PCDH15: variants seen among roughly 807,000 people sequenced by gnomAD.
The protein encoded by PCDH15 is protocadherin-15.
A neutral mutation model predicts 178.5 loss-of-function variants in PCDH15; 129 were observed. That is an observed-to-expected ratio of 0.72 (90% CI 0.63 to 0.84). The LOEUF (loss-of-function observed/expected upper bound fraction) is 0.84. Among genes scored for constraint, PCDH15 ranks in the 40% least tolerant of loss-of-function variants. PCDH15 has a pLI of 0.00. For synonymous variants in PCDH15, 800 were observed against 732.0 expected, an observed-to-expected ratio of 1.09 and a Z score of -1.50; for missense variants, 2,230 against 2,099.9, an observed-to-expected ratio of 1.06 and a Z score of -1.21.
intron 2 of PCDH15, among the ~76,000 whole-genome samples, chr10:54,897,740 T>C (rs967485741): frequency 1.3e-5 from 2 of 152,194 alleles, no homozygotes; most frequent in African/African-American, 2.4e-5. Flanking sequence ...CAAAATGTTT[T>C]ATCTTTAAGT....
At chr10:55,461,237 A>C (rs4586055) in intron 2 of PCDH15, among the ~76,000 whole-genome samples, 116,405 of 152,066 alleles carry the variant, frequency 0.77, 45,916 homozygotes, top group East Asian at 0.99. Context: ...TCTCTTCAGG[A>C]CGTCAATTCA....
intron 2 of PCDH15, among the ~76,000 whole-genome samples, chr10:54,937,740 AT>A: frequency 6.6e-6 from 1 of 152,154 alleles, no homozygotes; most frequent in Non-Finnish European, 1.5e-5. Flanking sequence ...ACAGAAAATA[AT>A]TTAATTAGGA....
chr10:55,101,159 A>G (rs1842566360), intron 2 of PCDH15, among the ~76,000 whole-genome samples: 1 of 152,014 alleles, frequency 6.6e-6, no homozygotes, highest in Admixed American at 6.6e-5. Context: ...CGAGCGGATC[A>G]CCTGAGGTCA....
intron 2 of PCDH15, among the ~76,000 whole-genome samples, chr10:55,341,805 ATTTTTTTTTTTTTTTTTT>A (rs869187882): frequency 1.8e-4 from 3 of 16,332 alleles, no homozygotes; most frequent in African/African-American, 6.5e-4. Context: ...ATATATATAT[ATTTTTTTTTTTTTTTTTT>A]TTTTTTTTAG....
intron 6 of PCDH15, among the ~76,000 whole-genome samples, chr10:54,335,849 G>T (rs535720256): frequency 3.3e-5 from 5 of 152,178 alleles, no homozygotes; most frequent in Non-Finnish European, 7.3e-5. Flanking sequence ...GAACTGGGTG[G>T]CAGGCAGAGG....
chr10:55,082,142 A>C (rs1842054847), intron 2 of PCDH15, among the ~76,000 whole-genome samples: 1 of 152,210 alleles, frequency 6.6e-6, no homozygotes, highest in South Asian at 2.1e-4. Context: ...TCCTTAGCAA[A>C]TGGATCATCC....
intron 2 of PCDH15, among the ~76,000 whole-genome samples, chr10:55,070,465 A>G (rs991421676): frequency 5.3e-5 from 8 of 152,148 alleles, no homozygotes; most frequent in Non-Finnish European, 7.3e-5. Context: ...ATAAGGTGTA[A>G]GGAAGGGATC....
At chr10:54,129,737 T>C (rs546254675) in intron 15 of PCDH15, among the ~76,000 whole-genome samples, 26 of 152,288 alleles carry the variant, frequency 1.7e-4, no homozygotes, top group African/African-American at 6.3e-4. Context: ...CCACACATAC[T>C]GAAGTCCCAC....
At chr10:55,052,775 G>T (rs1841199447) in intron 2 of PCDH15, among the ~76,000 whole-genome samples, 1 of 151,854 alleles carries the variant, frequency 6.6e-6, no homozygotes. Flanking sequence ...ATATCCTAAG[G>T]TCAAGTCTTT....
chr10:55,574,273 G>A (rs373796650), intron 2 of PCDH15, among the ~76,000 whole-genome samples: 5 of 152,036 alleles, frequency 3.3e-5, no homozygotes, highest in South Asian at 2.1e-4. Flanking sequence ...GTGGTAATTC[G>A]TAGGTTTCTC....
chr10:54,741,564 T>C (rs1233257840), intron 1 of PCDH15, among the ~76,000 whole-genome samples: 1 of 151,980 alleles, frequency 6.6e-6, no homozygotes, highest in Non-Finnish European at 1.5e-5. Flanking sequence ...CAAATGTATC[T>C]TATAATTTTG....
rs2051734918 is a variant in PCDH15, at chr10:54,214,066, T to A, written c.986-18A>T. 7.4e-7 allele frequency: 1 copy of A among 1,350,430 alleles called. No individual in the cohort carries two copies. The highest frequency in any genetic ancestry group is 2.3e-5 in the East Asian group (1 of 43,428). 83.7% of individuals were successfully genotyped at this position (1,350,430 alleles called of 1,614,324 possible). On this transcript the variant is annotated intron_variant, in intron 9 of 37. Transcript: ENST00000644397. The stretch of plus-strand genomic sequence containing the variant: ...AGGAGTCCCTGGAAGACATTGAGAT[T>A]TCAGTACATAATTGAGAACAATAAG...
At chr10:54,104,369 A>T (rs1476621336) in intron 15 of PCDH15, among the ~76,000 whole-genome samples, 2 of 152,076 alleles carry the variant, frequency 1.3e-5, no homozygotes, top group African/African-American at 4.8e-5. Context: ...TTAACAGGGG[A>T]CACCTGGCGA....
At chr10:54,962,146 C>A (rs1040031326) in intron 2 of PCDH15, among the ~76,000 whole-genome samples, 1 of 152,230 alleles carries the variant, frequency 6.6e-6, no homozygotes, top group Non-Finnish European at 1.5e-5. Flanking sequence ...TAACACTTGC[C>A]TGGGCAGCTC....
chr10:55,266,139 C>G (rs954608635), intron 1 of PCDH15, among the ~76,000 whole-genome samples: 2 of 152,128 alleles, frequency 1.3e-5, no homozygotes, highest in African/African-American at 4.8e-5. Context: ...TAATCTTTGG[C>G]ACTAAATTCT....
chr10:53,896,952 G>A (rs550613278), intron 26 of PCDH15, among the ~76,000 whole-genome samples: 8 of 152,106 alleles, frequency 5.3e-5, no homozygotes, highest in African/African-American at 1.7e-4. Flanking sequence ...ATATTACGAT[G>A]TAATAATAAT....
intron 1 of PCDH15, among the ~76,000 whole-genome samples, chr10:55,192,448 A>C (rs1300402631): frequency 2.0e-5 from 3 of 151,798 alleles, no homozygotes; most frequent in Non-Finnish European, 4.4e-5. Context: ...GAGGAAACCG[A>C]CTCAGAATGT....
chr10:55,418,253 A>C (rs1318267096), intron 2 of PCDH15, among the ~76,000 whole-genome samples: 3 of 151,786 alleles, frequency 2.0e-5, no homozygotes, highest in Non-Finnish European at 4.4e-5. Flanking sequence ...TTTTATTTTT[A>C]GTGCAGAATG....
intron 2 of PCDH15, among the ~76,000 whole-genome samples, chr10:54,908,276 C>T (rs765178981): frequency 1.3e-5 from 2 of 152,296 alleles, no homozygotes; most frequent in East Asian, 1.9e-4. Context: ...ACACTGGCTG[C>T]GGCATGGCAG....
Sources: gnomAD v4.1 joint callset for allele counts (sites outside exome capture counted in the v4.1 genomes callset) on GRCh38, gnomAD v4.1.1 for gene constraint, MANE v1.5 for transcripts, NCBI Gene and HGNC (gene_info 2026-07-23, HGNC 2026-07-21) for gene names.